ITGA8: variants seen among roughly 807,000 people sequenced by gnomAD.
ITGA8 encodes integrin alpha-8.
A neutral mutation model predicts 142.3 loss-of-function variants in ITGA8; 91 were observed. The observed-to-expected ratio is 0.64, with a 90% CI of 0.54 to 0.76. The LOEUF is 0.76. ITGA8 is among the 30% of genes least tolerant of loss of function. The pLI is 0.00. For synonymous variants in ITGA8, 505 were observed against 485.2 expected, an observed-to-expected ratio of 1.04 and a Z score of -0.54; for missense variants, 1,406 against 1,327.7, an observed-to-expected ratio of 1.06 and a Z score of -0.92.
chr10:15,547,027 A>G (rs1319332303), intron 27 of ITGA8, among the ~76,000 whole-genome samples: 1 of 152,152 alleles, frequency 6.6e-6, no homozygotes, highest in Non-Finnish European at 1.5e-5. Context: ...AGGGATAAAA[A>G]AATTCTATAT....
rs536391617 is a variant in ITGA8, at chr10:15,554,156, T to G, written c.2766+3918A>C. 1.9e-3 allele frequency among the ~76,000 whole-genome samples: 295 copies of G among 152,302 alleles called. 1 individual carries two copies. Among genetic ancestry groups the G allele is most frequent in the Admixed American group, 7.2e-3 (110 of 15,294 alleles). ...CTTTTGTTTTTTAAAAATAGTTAAT[T>G]CCAGGTAAATACAGGAGTGCAGGAA... On this transcript the variant is annotated intron_variant, in intron 26 of 29. Coordinates refer to ENST00000378076, the MANE Select transcript of ITGA8 (RefSeq NM_003638.3).
intron 26 of ITGA8, among the ~76,000 whole-genome samples, chr10:15,557,672 C>T (rs1588643006): frequency 6.6e-6 from 1 of 152,164 alleles, no homozygotes; most frequent in African/African-American, 2.4e-5. Flanking sequence ...CCATTCTTGC[C>T]TCTTCCAGAT....
chr10:15,632,215 G>C lies in ITGA8; in HGVS notation c.1399+11815C>G, dbSNP rs377736402. Among the ~76,000 whole-genome samples, 31 of 150,744 alleles carry C rather than the reference G, an allele frequency of 2.1e-4. 1 individual carries two copies. The highest frequency in any genetic ancestry group is 7.2e-4 in the African/African-American group (29 of 40,122). On this transcript the variant is annotated intron_variant, in intron 13 of 29. Transcript: ENST00000378076. ...TCCTGGCTTCACATTTAAGGTCATT[G>C]ACATAGCTGTGTCGATAAGGTCCAC...
intron 25 of ITGA8, among the ~76,000 whole-genome samples, chr10:15,565,779 G>A (rs1185303805): frequency 1.3e-5 from 2 of 151,520 alleles, no homozygotes; most frequent in Admixed American, 6.6e-5. Context: ...TAGCAGAGAT[G>A]GGGTTTTGCC....
intron 13 of ITGA8, among the ~76,000 whole-genome samples, chr10:15,641,617 A>G (rs1833873301): frequency 6.6e-6 from 1 of 152,196 alleles, no homozygotes; most frequent in African/African-American, 2.4e-5. Context: ...AGGTCTACCA[A>G]GATGCATGGA....
At chr10:15,608,441 T>C (rs1833238425) in intron 15 of ITGA8, 151 bp from the exon 16 acceptor site, 1 of 537,628 alleles carries the variant, frequency 1.9e-6, no homozygotes, top group Non-Finnish European at 3.2e-6. Flanking sequence ...ACACACCCCT[T>C]CTACCAATTG....
intron 13 of ITGA8, among the ~76,000 whole-genome samples, chr10:15,642,590 G>T (rs1833890905): frequency 6.6e-6 from 1 of 152,082 alleles, no homozygotes; most frequent in Non-Finnish European, 1.5e-5. Context: ...CCTCTCCCCA[G>T]TAATAACAAC....
At position 15,715,267 on chromosome 10, in the gene ITGA8, A is replaced by T. The variant is rs544574299; in HGVS notation, c.343+3499T>A. On this transcript the variant is annotated intron_variant, in intron 2 of 29. Coordinates refer to ENST00000378076, the MANE Select transcript of ITGA8 (RefSeq NM_003638.3). ...CCTGCTTCTACAATGCTTCCACCAA[A>T]ACTGTTTATCCTTTCCAACCCCTCT... 4.4e-4 allele frequency among the ~76,000 whole-genome samples: 67 copies of T among 152,118 alleles called. No individual in the cohort carries two copies. The South Asian group carries it at 0.013, about 30-fold the overall frequency.
intron 14 of ITGA8, among the ~76,000 whole-genome samples, 178 bp downstream of exon 14, chr10:15,616,336 A>T (rs1346600116): frequency 6.6e-6 from 1 of 152,226 alleles, no homozygotes; most frequent in African/African-American, 2.4e-5. Context: ...GTCATGCAGT[A>T]TGAGAGTAAA....
At chr10:15,569,395 T>C (rs17137490) in intron 25 of ITGA8, among the ~76,000 whole-genome samples, 19,139 of 152,100 alleles carry the variant, frequency 0.13, 2,058 homozygotes, top group East Asian at 0.31. Context: ...GCACTTACTA[T>C]CTAGATCACT....
intron 13 of ITGA8, among the ~76,000 whole-genome samples, chr10:15,617,209 C>T (rs922875022): frequency 4.6e-5 from 7 of 152,080 alleles, no homozygotes; most frequent in Admixed American, 3.3e-4. Flanking sequence ...GGTAGGAGGT[C>T]TTTATTATTA....
chr10:15,684,209 A>T (rs768205840), intron 3 of ITGA8, 82 bp from the exon 4 acceptor site: 1 of 1,420,950 alleles, frequency 7.0e-7, no homozygotes, highest in Non-Finnish European at 9.6e-7. Flanking sequence ...TTGGTATAAC[A>T]AACTGTTAAA....
intron 8 of ITGA8, among the ~76,000 whole-genome samples, chr10:15,662,673 A>G (rs1834312448): frequency 6.6e-6 from 1 of 152,120 alleles, no homozygotes; most frequent in African/African-American, 2.4e-5. Context: ...ATCAGGAAAA[A>G]TTTAGATCCT....
rs369731419 is a variant in ITGA8 at position 15,671,912 on chromosome 10, C to G, written c.803-265G>C. Among the ~76,000 whole-genome samples the G allele has an allele frequency of 1.3e-4, 18 of 142,636 alleles. No homozygotes were observed. In the South Asian group the frequency reaches 1.6e-3, roughly 13 times the overall value. The allele number at this position is 142,636 out of a possible 152,430, so 93.6% of individuals were successfully genotyped here. A position where few individuals can be genotyped will look rare whatever the true frequency, so the allele number is the denominator to read the frequency against. On this transcript the variant is annotated intron_variant, in intron 7 of 29. Coordinates refer to ENST00000378076, the MANE Select transcript of ITGA8 (RefSeq NM_003638.3). ...AAAAAAAAAAAAAGAGGGAGATATT[C>G]TGAGGTCAATTTTAAAAGCATGGAT...
At position 15,642,462 on chromosome 10, in the gene ITGA8, C is replaced by T. The variant is rs139384690; in HGVS notation, c.1399+1568G>A. The stretch of plus-strand genomic sequence containing the variant: ...TAGCAGTAACTTTCTAATTGTTTAC[C>T]TAAAATGCAACCCAGGAGTTGAATT... On this transcript the variant is annotated intron_variant, in intron 13 of 29. Coordinates refer to ENST00000378076, the MANE Select transcript of ITGA8 (RefSeq NM_003638.3). Among the ~76,000 whole-genome samples, 91 of 152,198 alleles carry T rather than the reference C, an allele frequency of 6.0e-4. No homozygotes were observed. The East Asian group carries it at 0.016, about 27-fold the overall frequency.
At chr10:15,713,900 T>G (rs1835405150) in intron 2 of ITGA8, among the ~76,000 whole-genome samples, 1 of 152,014 alleles carries the variant, frequency 6.6e-6, no homozygotes. Context: ...ATTTTTATTT[T>G]TTAACACAGA....
chr10:15,667,443 A>G (rs1399832086), intron 8 of ITGA8, among the ~76,000 whole-genome samples: 10 of 151,830 alleles, frequency 6.6e-5, no homozygotes, highest in South Asian at 2.1e-4. Flanking sequence ...TGGTCTATCA[A>G]TTTTGTTGAT....
chr10:15,605,836 A>G (rs1387555450), intron 18 of ITGA8, 45 bp from the exon 19 acceptor site: 1 of 1,555,268 alleles, frequency 6.4e-7, no homozygotes, highest in Non-Finnish European at 8.9e-7. Context: ...GGAAAATCTG[A>G]TTCACATCCT....
At chr10:15,669,432 C>T (rs958360919) in intron 8 of ITGA8, among the ~76,000 whole-genome samples, 11 of 152,008 alleles carry the variant, frequency 7.2e-5, no homozygotes, top group African/African-American at 2.7e-4. Flanking sequence ...AGTTTTTTTC[C>T]AAAGCTTTTA....
Sources: gnomAD v4.1 joint callset for allele counts (sites outside exome capture counted in the v4.1 genomes callset) on GRCh38, gnomAD v4.1.1 for gene constraint, MANE v1.5 for transcripts, NCBI Gene and HGNC (gene_info 2026-07-23, HGNC 2026-07-21) for gene names.